Variants in ZNF618 observed in about 807,000 individuals in gnomAD.
ZNF618 encodes the protein zinc finger protein 618, also known as neural precursor cell expressed, developmentally down-regulated 10.
A neutral mutation model predicts 103.0 loss-of-function variants in ZNF618; 34 were observed. That is an observed-to-expected ratio of 0.33 (90% CI 0.25 to 0.44). The LOEUF is 0.44. Among genes scored for constraint, ZNF618 ranks in the 20% least tolerant of loss-of-function variants. The pLI is 1.00. For missense variants in ZNF618, 1,059 were observed against 1,295.4 expected, an observed-to-expected ratio of 0.82 and a Z score of 2.80; for synonymous variants, 551 against 542.2, an observed-to-expected ratio of 1.02 and a Z score of -0.23.
In ZNF618 at chr9:114,054,056, GAGAC is replaced by G. The variant is rs1379704829; in HGVS notation, c.*3891_*3894del. On this transcript the variant is annotated 3_prime_UTR_variant, in exon 15 of 15. Coordinates refer to ENST00000374126, the MANE Select transcript of ZNF618 (RefSeq NM_001318042.2). ...AGCCACCAGGTGTGCAGGCTGGGAA[GAGAC>G]ATCTCTTTCAGTTTGACCCTTTATC... The G allele has an allele frequency of 6.6e-6, 1 of 152,622 alleles. No individual in the cohort carries two copies. Among genetic ancestry groups the G allele is most frequent in the Admixed American group, 6.5e-5 (1 of 15,284 alleles). The allele number at this position is 152,622 out of a possible 1,614,324, so 9.5% of individuals were successfully genotyped here. A position where few individuals can be genotyped will look rare whatever the true frequency, so the allele number is the denominator to read the frequency against.
intron 1 of ZNF618, among the ~76,000 whole-genome samples, chr9:113,926,746 C>T (rs1269170188): frequency 6.6e-6 from 1 of 152,192 alleles, no homozygotes; most frequent in Non-Finnish European, 1.5e-5. Flanking sequence ...TGCACTGTAG[C>T]TCATGCTTGT....
At chr9:113,987,255 G>C (rs1306423560) in intron 2 of ZNF618, among the ~76,000 whole-genome samples, 1 of 152,170 alleles carries the variant, frequency 6.6e-6, no homozygotes, top group African/African-American at 2.4e-5. Flanking sequence ...CAGCTGTGTT[G>C]AAAGGAGGAT....
intron 3 of ZNF618, among the ~76,000 whole-genome samples, chr9:113,994,605 A>G (rs1840386423): frequency 6.6e-6 from 1 of 152,224 alleles, no homozygotes; most frequent in Admixed American, 6.5e-5. Flanking sequence ...GTCAGTAGGT[A>G]GAATAAAAGT....
chr9:113,937,559 C>T (rs775898433), intron 1 of ZNF618, among the ~76,000 whole-genome samples: 40 of 152,220 alleles, frequency 2.6e-4, no homozygotes, highest in Non-Finnish European at 4.8e-4. Context: ...GAGAGCTCCT[C>T]GGTCTTTGTC....
intron 1 of ZNF618, among the ~76,000 whole-genome samples, chr9:113,929,844 C>G (rs1173518405): frequency 6.6e-6 from 1 of 152,152 alleles, no homozygotes; most frequent in Non-Finnish European, 1.5e-5. Flanking sequence ...CTTCCCGATG[C>G]CAGCTTTGTC....
At chr9:113,894,420 G>C (rs898637458) in intron 1 of ZNF618, among the ~76,000 whole-genome samples, 2 of 152,150 alleles carry the variant, frequency 1.3e-5, no homozygotes, top group East Asian at 3.9e-4. Context: ...AAAGTTCAGC[G>C]CTCTCAGACT....
rs564985280 is a variant in ZNF618 at position 113,989,813 on chromosome 9, T to C, written c.337+1233T>C. Among the ~76,000 whole-genome samples, 16 of 152,370 alleles carry C rather than the reference T, an allele frequency of 1.1e-4. No homozygotes were observed. In the South Asian group the frequency reaches 3.1e-3, roughly 30 times the overall value. On this transcript the variant is annotated intron_variant, in intron 3 of 14. Transcript: ENST00000374126. Reference sequence around the variant, plus strand: ...TTTGCCAGCTGTTCCCTGCTGGTTGTGGCCATCTCAGCCCCACCTGGGTCA... The same window carrying C: ...TTTGCCAGCTGTTCCCTGCTGGTTGCGGCCATCTCAGCCCCACCTGGGTCA...
At chr9:113,943,680 A>G (rs1834749664) in intron 1 of ZNF618, among the ~76,000 whole-genome samples, 1 of 152,080 alleles carries the variant, frequency 6.6e-6, no homozygotes. Flanking sequence ...TTGAAAAAAA[A>G]AGGTCTTATA....
chr9:113,935,358 C>T (rs549962045), intron 1 of ZNF618, among the ~76,000 whole-genome samples: 10 of 152,250 alleles, frequency 6.6e-5, no homozygotes, highest in East Asian at 1.9e-4. Flanking sequence ...GAGGTAAAGC[C>T]GCAGCTGCCA....
chr9:113,971,930 A>C (rs564054643), intron 2 of ZNF618, among the ~76,000 whole-genome samples: 2 of 152,312 alleles, frequency 1.3e-5, no homozygotes, highest in East Asian at 3.9e-4. Flanking sequence ...GGGCCACCCA[A>C]ACCTGGGGTT....
At chr9:113,950,024 A>T (rs1835408262) in intron 1 of ZNF618, among the ~76,000 whole-genome samples, 1 of 152,128 alleles carries the variant, frequency 6.6e-6, no homozygotes, top group Non-Finnish European at 1.5e-5. Flanking sequence ...ACCCCCGTAG[A>T]TCCTGCTTCA....
chr9:113,990,463 C>T (rs1390588562), intron 3 of ZNF618, among the ~76,000 whole-genome samples: 2 of 152,178 alleles, frequency 1.3e-5, no homozygotes, highest in Non-Finnish European at 2.9e-5. Context: ...GGTTATGCTG[C>T]AGTAACAAAA....
Position 114,040,661 on chromosome 9 carries a change from C to A in ZNF618, c.1246+4284C>A, listed in dbSNP as rs1845080670. 2.0e-5 allele frequency among the ~76,000 whole-genome samples: 3 copies of A among 152,194 alleles called. No individual in the cohort carries two copies. The South Asian group carries it at 6.2e-4, about 32-fold the overall frequency. ...CATGTCCCTACAAAGGACATGAACT[C>A]ATCCTTTTTTATGGCTGCATAGTAT... is the stretch of plus-strand genomic sequence containing the variant. On this transcript the variant is annotated intron_variant, in intron 13 of 14. Coordinates refer to ENST00000374126, the MANE Select transcript of ZNF618 (RefSeq NM_001318042.2).
At chr9:113,942,532 G>C (rs1486062710) in intron 1 of ZNF618, among the ~76,000 whole-genome samples, 2 of 152,148 alleles carry the variant, frequency 1.3e-5, no homozygotes, top group African/African-American at 4.8e-5. Flanking sequence ...AGTCTTCTCT[G>C]TATCCATAGC....
chr9:113,925,427 A>T lies in ZNF618; in HGVS notation c.34-43690A>T, dbSNP rs188096388. Among the ~76,000 whole-genome samples the T allele has an allele frequency of 2.7e-5, 4 of 145,500 alleles. No individual in the cohort carries two copies. The East Asian group carries it at 7.9e-4, about 29-fold the overall frequency. ...TTAAAGTGAGTTTCTTATAGACAGC[A>T]TGTAGTTAGTTGGGTCTTTTTTTTT... On this transcript the variant is annotated intron_variant, in intron 1 of 14. Transcript: ENST00000374126.
chr9:113,949,684 AC>A (rs1435888178), intron 1 of ZNF618, among the ~76,000 whole-genome samples: 1 of 152,112 alleles, frequency 6.6e-6, no homozygotes, highest in African/African-American at 2.4e-5. Context: ...TACATGGTCC[AC>A]CTCTGTCAGC....
At chr9:114,045,814 G>A (rs1845605971) in intron 13 of ZNF618, among the ~76,000 whole-genome samples, 1 of 151,686 alleles carries the variant, frequency 6.6e-6, no homozygotes, top group African/African-American at 2.4e-5. Context: ...GACATTCCAT[G>A]TTCATGGACT....
At chr9:113,887,645 A>G (rs149747718) in intron 1 of ZNF618, among the ~76,000 whole-genome samples, 6 of 152,262 alleles carry the variant, frequency 3.9e-5, no homozygotes, top group East Asian at 3.9e-4. Flanking sequence ...CCCAGAGGGC[A>G]TCCTTTTATA....
At chr9:113,981,740 A>AC (rs1348177882) in intron 2 of ZNF618, among the ~76,000 whole-genome samples, 2 of 152,248 alleles carry the variant, frequency 1.3e-5, no homozygotes, top group Non-Finnish European at 2.9e-5. Flanking sequence ...TGACAACAGT[A>AC]CCAGAACAGG....
Sources: gnomAD v4.1 joint callset for allele counts (sites outside exome capture counted in the v4.1 genomes callset) on GRCh38, gnomAD v4.1.1 for gene constraint, MANE v1.5 for transcripts, NCBI Gene and HGNC (gene_info 2026-07-23, HGNC 2026-07-21) for gene names.